SLC22A6: variants seen among roughly 807,000 people sequenced by gnomAD.
The protein encoded by SLC22A6 is PAH transporter.
Under a neutral mutation model 56.7 loss-of-function variants are expected in SLC22A6, and 45 were observed. That is an observed-to-expected ratio of 0.79 (90% CI 0.63 to 1.02). The LOEUF (loss-of-function observed/expected upper bound fraction) is 1.02. Ranked by LOEUF, SLC22A6 falls within the 50% of genes least tolerant of loss-of-function variation. The pLI, the probability that SLC22A6 is intolerant of heterozygous loss-of-function variation, is 0.00. For missense variants in SLC22A6, 606 were observed against 713.8 expected (o/e 0.85, Z 1.72); for synonymous variants, 291 against 295.9 (o/e 0.98, Z 0.17).
Position 62,983,891 on chromosome 11 carries a change from C to A in SLC22A6, c.473+53G>T. 7.2e-7 allele frequency: 1 copy of A among 1,393,626 alleles called. No homozygotes were observed. The allele number at this position is 1,393,626 out of a possible 1,614,324, so 86.3% of individuals were successfully genotyped here. On this transcript the variant is annotated intron_variant, in intron 2 of 9. Coordinates refer to ENST00000360421, the MANE Select transcript of SLC22A6 (RefSeq NM_153276.3). The surrounding 1 kb of genome is among the most constrained non-coding windows in gnomAD (Gnocchi z 4.5). ...TCCCACCTAGACACCCTGAGCCCAGCTGAGCCCCTAATCCCAGCCCAGCCC... is the reference window on the plus strand; with the variant it reads ...TCCCACCTAGACACCCTGAGCCCAGATGAGCCCCTAATCCCAGCCCAGCCC...
rs148086982 is a variant in SLC22A6, at chr11:62,984,661, C to T, written c.30G>A (p.Val10=). 41 of 1,613,640 alleles carry T rather than the reference C, an allele frequency of 2.5e-5. No individual in the cohort carries two copies. The African/African-American group carries it at 2.9e-4, about 12-fold the overall frequency. The change falls in exon 1 of 10, where the codon GTG becomes GTA. Residue 10 remains valine (V), a synonymous_variant. Coordinates refer to ENST00000360421, the MANE Select transcript of SLC22A6 (RefSeq NM_153276.3). The part of the protein sequence containing the change: MAFNDLLQQ[V]GGVGRFQQIQ... The stretch of plus-strand genomic sequence containing the variant: ...TCTGCTGGAAGCGGCCGACACCCCC[C>T]ACCTGCTGCAGGAGGTCATTAAAGG...
At chr11:62,978,595 T>C (rs1157758936) in intron 8 of SLC22A6, among the ~76,000 whole-genome samples, 2 of 145,812 alleles carry the variant, frequency 1.4e-5, no homozygotes, top group Non-Finnish European at 3.0e-5. Flanking sequence ...GATCTCTTTT[T>C]TTTTTTTTTT....
Position 62,984,829 on chromosome 11 carries a change from C to T in SLC22A6, c.-139G>A. 1.1e-6 allele frequency: 1 copy of T among 870,058 alleles called. No homozygotes were observed. Among genetic ancestry groups the T allele is most frequent in the Non-Finnish European group, 1.7e-6 (1 of 581,568 alleles). 53.9% of individuals were successfully genotyped at this position (870,058 alleles called of 1,614,324 possible). A position where few individuals can be genotyped will look rare whatever the true frequency, so the allele number is the denominator to read the frequency against. On this transcript the variant is annotated 5_prime_UTR_variant, in exon 1 of 10. Coordinates refer to ENST00000360421, the MANE Select transcript of SLC22A6 (RefSeq NM_153276.3). ...AGCTGGGTTGCTCCGGGAGCTGAGTCCGAGCTGCTCTGTGGGGGGACAGCA... is the reference window on the plus strand; with the variant it reads ...AGCTGGGTTGCTCCGGGAGCTGAGTTCGAGCTGCTCTGTGGGGGGACAGCA...
At chr11:62,984,141 C>T (rs1389820219) in intron 1 of SLC22A6, 94 bp from the exon 2 acceptor site, 1 of 1,181,910 alleles carries the variant, frequency 8.5e-7, no homozygotes, top group South Asian at 1.5e-5. Context: ...GTCCATGTCA[C>T]CCTCTTCCTC....
In SLC22A6 at chr11:62,984,385, T is replaced by G; in HGVS notation, c.306A>C (p.Thr102=). The G allele has an allele frequency of 6.2e-7, 1 of 1,613,914 alleles. No homozygotes were observed. The highest frequency in any genetic ancestry group is 8.5e-7 in the Non-Finnish European group (1 of 1,179,940). The stretch of plus-strand genomic sequence containing the variant: ...AGATCCAGCCATCGGTGCAGGGCTC[T>G]GTGGCCCCTGTGCCATTGGCTTCTG... ...NGTEANGTGA[T]EPCTDGWIYD... Residue 102 remains threonine, a synonymous_variant, in exon 1 of 10, where the codon ACA becomes ACC. Transcript: ENST00000360421.
Position 62,983,220 on chromosome 11 carries a change from A to AT in SLC22A6, c.628+316dup, listed in dbSNP as rs2086274916. ...CCATCACACCTGGCTAATTTTTTGTATTTTTAGTAGAGACGGGGTTTCACC... is the reference window on the plus strand; with the variant it reads ...CCATCACACCTGGCTAATTTTTTGTATTTTTTAGTAGAGACGGGGTTTCACC... On this transcript the variant is annotated intron_variant, in intron 3 of 9. Coordinates refer to ENST00000360421, the MANE Select transcript of SLC22A6 (RefSeq NM_153276.3). This position sits in a 1 kb window ranked among gnomAD's most constrained non-coding sequence, Gnocchi z 4.5. Among the ~76,000 whole-genome samples the AT allele has an allele frequency of 6.6e-6, 1 of 151,838 alleles. No homozygotes were observed. Among genetic ancestry groups the AT allele is most frequent in the South Asian group, 2.1e-4 (1 of 4,810 alleles).
chr11:62,977,338 C>G lies in SLC22A6; in HGVS notation c.1411G>C (p.Val471Leu). The stretch of plus-strand genomic sequence containing the variant: ...GCAGTCATGCTCACCAGTGGGCTCA[C>G]GATGCTGCCCACTCGGGCCATGGTG... ...GSTMARVGSI[V>L]SPLVSMTAEL... The change falls in exon 9 of 10, where the codon GTG becomes CTG. Residue 471 changes from valine (V) to leucine (L), a missense_variant. Val to Leu is a conservative substitution (Grantham distance 32, BLOSUM62 1). Transcript: ENST00000360421. The G allele has an allele frequency of 6.2e-7, 1 of 1,613,194 alleles. No individual in the cohort carries two copies. The highest frequency in any genetic ancestry group is 8.5e-7 in the Non-Finnish European group (1 of 1,179,962).
At chr11:62,979,247 C>T (rs1464983627) in intron 8 of SLC22A6, among the ~76,000 whole-genome samples, 1 of 152,172 alleles carries the variant, frequency 6.6e-6, no homozygotes, top group Non-Finnish European at 1.5e-5. Flanking sequence ...TACCCTGCCC[C>T]AGTTGGTGGC....
chr11:62,981,013 G>A lies in SLC22A6; in HGVS notation c.1009C>T (p.His337Tyr), dbSNP rs139334827. 23 of 1,610,068 alleles carry A rather than the reference G, an allele frequency of 1.4e-5. No homozygotes were observed. The African/African-American group carries it at 3.1e-4, about 22-fold the overall frequency. ...AGCATGGAGAGGCAGAGGAAGAGGT[G>A]GCGGAGGGTGGGGCAGCGCAGCAGC... The part of the protein sequence containing the change: ...MELLRCPTLR[H>Y]LFLCLSMLWF... Residue 337 changes from histidine to tyrosine, a missense_variant, in exon 6 of 10, where the codon CAC becomes TAC. His to Tyr is a moderately conservative substitution (Grantham distance 83). Transcript: ENST00000360421.
At position 62,983,389 on chromosome 11, in the gene SLC22A6, GA is replaced by G; in HGVS notation, c.628+147del. On this transcript the variant is annotated intron_variant, in intron 3 of 9. Transcript: ENST00000360421. This position sits in a 1 kb window ranked among gnomAD's most constrained non-coding sequence, Gnocchi z 4.5. ...AGGGGTCAGGGCGGCATGAGCCTGA[GA>G]AAAGGTTGTTCTATTGGCAGGAAGG... The G allele has an allele frequency of 1.2e-6, 1 of 819,306 alleles. No individual in the cohort carries two copies. Among genetic ancestry groups the G allele is most frequent in the East Asian group, 2.7e-5 (1 of 37,000 alleles). 50.8% of individuals were successfully genotyped at this position (819,306 alleles called of 1,614,324 possible).
intron 8 of SLC22A6, among the ~76,000 whole-genome samples, chr11:62,978,476 T>C (rs865864495): frequency 7.2e-5 from 11 of 151,856 alleles, no homozygotes; most frequent in Non-Finnish European, 1.0e-4. Flanking sequence ...GCCTCCTGAG[T>C]AGCTGGGACT....
Position 62,981,340 on chromosome 11 carries a change from G to A in SLC22A6, c.841C>T (p.Leu281=). The A allele has an allele frequency of 6.3e-7, 1 of 1,596,504 alleles. No homozygotes were observed. Among genetic ancestry groups the A allele is most frequent in the Non-Finnish European group, 8.5e-7 (1 of 1,171,754 alleles). Residue 281 remains leucine (L), a synonymous_variant, in exon 5 of 10, where the codon CTG becomes TTG. Coordinates refer to ENST00000360421, the MANE Select transcript of SLC22A6 (RefSeq NM_153276.3). ...SARWHSSSGR[L]DLTLRALQRV... is the part of the protein sequence containing the mutation. ...TGCAGGGCCCTCAGGGTGAGGTCCA[G>A]CCTCCCGGAGGAGGAGTGCCAGCGG...
rs751215054 is a variant in SLC22A6, at chr11:62,981,939, G to C, written c.700C>G (p.Gln234Glu). Residue 234 changes from glutamine to glutamate, a missense_variant, in exon 4 of 10, where the codon CAG (glutamine) becomes GAG (glutamate). Transcript: ENST00000360421. ...TLIGYVYSLG[Q>E]FLLAGVAYAV... Reference sequence around the variant, plus strand: ...TAGGCCACACCAGCCAGGAGGAACTGGCCCAGGCTGTAGACATAGCCAATC... The same window carrying C: ...TAGGCCACACCAGCCAGGAGGAACTCGCCCAGGCTGTAGACATAGCCAATC... 110 of 1,614,150 alleles carry C rather than the reference G, an allele frequency of 6.8e-5. No homozygotes were observed. The highest frequency in any genetic ancestry group is 9.2e-5 in the Non-Finnish European group (108 of 1,179,968).
Position 62,977,370 on chromosome 11 carries a change from A to T in SLC22A6, c.1379T>A (p.Met460Lys), listed in dbSNP as rs1286384628. ...PTMIRQTGMGMGSTMARVGSI... is the reference protein window; with the variant it reads ...PTMIRQTGMGKGSTMARVGSI... ...GCCCACTCGGGCCATGGTGCTGCCCATTCCCATGCCTGTCTGCCTGCAGGG... is the reference window on the plus strand; with the variant it reads ...GCCCACTCGGGCCATGGTGCTGCCCTTTCCCATGCCTGTCTGCCTGCAGGG... The change falls in exon 9 of 10, where the codon ATG becomes AAG. Residue 460 changes from methionine to lysine, a missense_variant. By Grantham distance (95) the Met-to-Lys change is moderately conservative. Transcript: ENST00000360421. 6.2e-7 allele frequency: 1 copy of T among 1,610,844 alleles called. No homozygotes were observed. The highest frequency in any genetic ancestry group is 8.5e-7 in the Non-Finnish European group (1 of 1,179,762).
intron 1 of SLC22A6, 30 bp from the exon 2 acceptor site, chr11:62,984,077 A>C: frequency 6.7e-7 from 1 of 1,495,888 alleles, no homozygotes; most frequent in Non-Finnish European, 9.3e-7. Context: ...GGTCAGGCAG[A>C]GATGAGCCTG....
rs759080975 is a variant in SLC22A6 at position 62,984,013 on chromosome 11, T to A, written c.404A>T (p.Gln135Leu). ...DLVCSHRALR[Q>L]LAQSLYMVGV... Reference sequence around the variant, plus strand: ...CACCATGTACAAGGACTGGGCCAGCTGGCGTAGGGCCCTGTGAGAGCACAC... The same window carrying A: ...CACCATGTACAAGGACTGGGCCAGCAGGCGTAGGGCCCTGTGAGAGCACAC... The change falls in exon 2 of 10, where the codon CAG becomes CTG. Residue 135 changes from glutamine (Q) to leucine (L), a missense_variant. Coordinates refer to ENST00000360421, the MANE Select transcript of SLC22A6 (RefSeq NM_153276.3). The A allele has an allele frequency of 6.2e-7, 1 of 1,613,662 alleles. No homozygotes were observed. Among genetic ancestry groups the A allele is most frequent in the Non-Finnish European group, 8.5e-7 (1 of 1,179,836 alleles).
intron 8 of SLC22A6, 106 bp from the exon 9 acceptor site, chr11:62,977,493 C>A (rs1007483355): frequency 4.8e-6 from 6 of 1,262,852 alleles, no homozygotes; most frequent in Admixed American, 2.4e-5. Context: ...CCAGGACACT[C>A]CCGGTACCTC....
intron 9 of SLC22A6, 77 bp from the exon 10 acceptor site, chr11:62,976,958 G>T (rs2086196148): frequency 1.3e-6 from 2 of 1,549,336 alleles, no homozygotes; most frequent in South Asian, 2.3e-5. Flanking sequence ...CTCCCAGGGG[G>T]TCTCCGCTCA....
intron 9 of SLC22A6, 140 bp downstream of exon 9, chr11:62,977,044 G>A: frequency 6.4e-7 from 1 of 1,556,226 alleles, no homozygotes; most frequent in South Asian, 1.2e-5. Context: ...AAGGATTCTA[G>A]GAGAAGCTCA....
Sources: gnomAD v4.1 joint callset for allele counts (sites outside exome capture counted in the v4.1 genomes callset) on GRCh38, gnomAD v4.1.1 for gene constraint, Gnocchi (gnomAD v3.1) non-coding constraint, MANE v1.5 for transcripts, NCBI Gene and HGNC (gene_info 2026-07-23, HGNC 2026-07-21) for gene names.